OFD1: variants seen among roughly 807,000 people sequenced by gnomAD.
OFD1 encodes the protein OFD1 centriole and centriolar satellite protein, also known as centriole and centriolar satellite protein OFD1.
OFD1 carries 12 observed loss-of-function variants against 81.4 expected under a neutral mutation model. The ratio of observed to expected loss-of-function variants is 0.15; its 90% confidence interval spans 0.09 to 0.24. The LOEUF is 0.24. Among genes scored for constraint, OFD1 ranks in the 10% least tolerant of loss-of-function variants. The probability of loss-of-function intolerance (pLI) is 1.00; values close to 1 mark genes in which losing one functional copy is unlikely to be tolerated. For missense variants in OFD1, 685 were observed against 733.9 expected, an observed-to-expected ratio of 0.93 and a Z score of 0.77; for synonymous variants, 256 against 263.7, an observed-to-expected ratio of 0.97 and a Z score of 0.28.
At chrX:13,727,011 G>A in the OFD1 span, among the ~76,000 whole-genome samples, 1 of 111,889 alleles carries the variant, frequency 8.9e-6, no homozygotes, top group Non-Finnish European at 1.9e-5. Flanking sequence ...AGACAAAGAA[G>A]GCCATTACAT....
chrX:13,734,117 G>A, upstream of OFD1: 1 of 513,232 alleles, frequency 1.9e-6, no homozygotes, highest in Non-Finnish European at 3.5e-6. Flanking sequence ...GAGCGATCTT[G>A]CTTCCAAGAG....
intron 15 of OFD1, 21 bp downstream of exon 15, chrX:13,758,469 T>C (rs2047798849): frequency 1.1e-6 from 1 of 948,152 alleles, no homozygotes; most frequent in Non-Finnish European, 1.5e-6. Flanking sequence ...TTTTAACCCA[T>C]AAATATTTTT....
chrX:13,734,764 T>G lies in OFD1; in HGVS notation c.-308T>G. ...AGTTGCCGGACTGGCTGTGAGGCGG[T>G]CCTGCCTCGCTGCCTTCAGTCCCTA... On this transcript the variant is annotated 5_prime_UTR_variant, in exon 1 of 23. Coordinates refer to ENST00000340096, the MANE Select transcript of OFD1 (RefSeq NM_003611.3). 1 of 1,055,787 alleles carries G rather than the reference T, an allele frequency of 9.5e-7. No individual in the cohort carries two copies. Among genetic ancestry groups the G allele is most frequent in the South Asian group, 2.7e-5 (1 of 37,405 alleles). 87.0% of individuals were successfully genotyped at this position (1,055,787 alleles called of 1,213,427 possible).
chrX:13,765,667 G>T (rs754033267), intron 19 of OFD1, among the ~76,000 whole-genome samples: 59 of 110,922 alleles, frequency 5.3e-4, no homozygotes, highest in Non-Finnish European at 9.3e-4. Context: ...GCATTGCTTG[G>T]GTTGAAAAAA....
At chrX:13,723,679 G>A in the OFD1 span, among the ~76,000 whole-genome samples, 1 of 111,292 alleles carries the variant, frequency 9.0e-6, no homozygotes, top group Non-Finnish European at 1.9e-5. Flanking sequence ...GAGAGGCTTG[G>A]CCCAGAGGTG....
chrX:13,773,142 TAATA>T (rs1293091769), downstream of OFD1: 6 of 581,115 alleles, frequency 1.0e-5, no homozygotes, highest in African/African-American at 9.1e-5. Flanking sequence ...AATTCTGTAT[TAATA>T]AATACTCGCT....
chrX:13,742,858 TCGAAACC>T (rs1191982408), intron 5 of OFD1, among the ~76,000 whole-genome samples: 1 of 111,065 alleles, frequency 9.0e-6, no homozygotes, highest in African/African-American at 3.3e-5. Context: ...AGACCCAGTG[TCGAAACC>T]CATAGAGCTT....
At position 13,768,775 on chromosome X, in the gene OFD1, A is replaced by G. The variant is rs909384258; in HGVS notation, c.2986A>G (p.Lys996Glu). ...SLVDTLQSSD[K>E]VESLTGFSHE... Reference sequence around the variant, plus strand: ...AGTGGACACGCTGCAATCTAGTGACAAAGTCGAAAGGTACCTGTTTTCCCT... The same window carrying G: ...AGTGGACACGCTGCAATCTAGTGACGAAGTCGAAAGGTACCTGTTTTCCCT... Residue 996 changes from lysine (K) to glutamate (E), a missense_variant, in exon 22 of 23, where the codon AAA becomes GAA. Physicochemically the swap from Lys to Glu is moderately conservative, Grantham distance 56. Coordinates refer to ENST00000340096, the MANE Select transcript of OFD1 (RefSeq NM_003611.3). 1.7e-6 allele frequency: 2 copies of G among 1,202,002 alleles called. No individual in the cohort carries two copies. The highest frequency in any genetic ancestry group is 1.1e-6 in the Non-Finnish European group (1 of 888,033).
At chrX:13,738,737 A>G (rs755175757) in intron 3 of OFD1, 109 bp from the exon 4 acceptor site, 334 of 532,603 alleles carry the variant, frequency 6.3e-4, no homozygotes, top group Non-Finnish European at 9.2e-4. Flanking sequence ...TTATAATCTT[A>G]TTTAATCTGA....
At chrX:13,758,945 G>T (rs761178824) in intron 15 of OFD1, among the ~76,000 whole-genome samples, 2 of 111,408 alleles carry the variant, frequency 1.8e-5, no homozygotes, top group East Asian at 5.6e-4. Context: ...CTCCTCATTT[G>T]TAATGGGGAT....
Position 13,758,308 on chromosome X carries a change from A to T in OFD1, c.1543-29A>T, listed in dbSNP as rs983385392. ...GCAAGCTGTGATTTGTTTTACATTG[A>T]TTTCTTTTCCTATTCTGAATCTTTT... On this transcript the variant is annotated intron_variant, in intron 14 of 22. Coordinates refer to ENST00000340096, the MANE Select transcript of OFD1 (RefSeq NM_003611.3). The T allele has an allele frequency of 1.1e-5, 11 of 997,236 alleles. No individual in the cohort carries two copies. The highest frequency in any genetic ancestry group is 5.7e-5 in the African/African-American group (3 of 52,879). The allele number at this position is 997,236 out of a possible 1,213,427, so 82.2% of individuals were successfully genotyped here.
chrX:13,764,383 G>A (rs2048047494), intron 19 of OFD1, among the ~76,000 whole-genome samples: 1 of 112,223 alleles, frequency 8.9e-6, no homozygotes, highest in African/African-American at 3.2e-5. Context: ...CTGTGACACC[G>A]AGTTAGCGTA....
chrX:13,739,748 C>CA (rs538747990), intron 5 of OFD1: 38,011 of 483,874 alleles, frequency 0.079, 1 homozygote, highest in Non-Finnish European at 0.086. Context: ...AACTCCGTCT[C>CA]AAAAAAAAAA....
chrX:13,719,456 T>A, the OFD1 span, among the ~76,000 whole-genome samples: 1 of 111,294 alleles, frequency 9.0e-6, no homozygotes, highest in African/African-American at 3.3e-5. Context: ...TGAAGTGAGG[T>A]GCTGCAGACC....
chrX:13,722,013 A>G, the OFD1 span: 2 of 109,591 alleles, frequency 1.8e-5, no homozygotes, highest in African/African-American at 6.7e-5. Flanking sequence ...GATAACAAAG[A>G]CGAGCTGGAA....
At position 13,755,106 on chromosome X, in the gene OFD1, A is replaced by T. The variant is rs1259673128; in HGVS notation, c.1130-45A>T. 4 of 952,088 alleles carry T rather than the reference A, an allele frequency of 4.2e-6. No individual in the cohort carries two copies. The Admixed American group carries it at 8.7e-5, about 21-fold the overall frequency. The allele number at this position is 952,088 out of a possible 1,213,427, so 78.5% of individuals were successfully genotyped here. A position where few individuals can be genotyped will look rare whatever the true frequency, so the allele number is the denominator to read the frequency against. ...TAAATATTAAATGGCTTTTGTATTC[A>T]CTAGGAAAACATTATGGTGTTTAAT... On this transcript the variant is annotated intron_variant, in intron 11 of 22. Coordinates refer to ENST00000340096, the MANE Select transcript of OFD1 (RefSeq NM_003611.3).
chrX:13,763,572 A>G lies in OFD1; in HGVS notation c.2489-173A>G, dbSNP rs751163411. Reference sequence around the variant, plus strand: ...ACTACGAGAACACTCTGACAAGCAAATACGTTGCCAAGTGGTTATGTTGGG... The same window carrying G: ...ACTACGAGAACACTCTGACAAGCAAGTACGTTGCCAAGTGGTTATGTTGGG... On this transcript the variant is annotated intron_variant, in intron 18 of 22. Coordinates refer to ENST00000340096, the MANE Select transcript of OFD1 (RefSeq NM_003611.3). Among the ~76,000 whole-genome samples the G allele has an allele frequency of 8.9e-5, 10 of 112,406 alleles. No individual in the cohort carries two copies. The East Asian group carries it at 2.5e-3, about 28-fold the overall frequency.
At chrX:13,727,072 A>G in the OFD1 span, among the ~76,000 whole-genome samples, 8 of 112,244 alleles carry the variant, frequency 7.1e-5, no homozygotes, top group Non-Finnish European at 3.8e-5. Context: ...CTAAATATAT[A>G]TGCACCCAAT....
chrX:13,722,406 C>T, the OFD1 span, among the ~76,000 whole-genome samples: 1 of 110,331 alleles, frequency 9.1e-6, no homozygotes, highest in Non-Finnish European at 1.9e-5. Flanking sequence ...ATGCTGTTAC[C>T]AACTACCCAG....
Sources: gnomAD v4.1 joint callset for allele counts (sites outside exome capture counted in the v4.1 genomes callset) on GRCh38, gnomAD v4.1.1 for gene constraint, MANE v1.5 for transcripts, NCBI Gene and HGNC (gene_info 2026-07-23, HGNC 2026-07-21) for gene names.